Variants in SMIM24 observed in about 807,000 individuals in gnomAD.
The protein encoded by SMIM24 is MAP17-related dimer.
In SMIM24, 6 loss-of-function variants were observed where a neutral mutation model predicts 10.8. The observed-to-expected ratio is 0.55, with a 90% CI of 0.30 to 1.09. The LOEUF is 1.09. SMIM24 is among the 50% of genes least tolerant of loss of function. The pLI is 0.06. For synonymous variants in SMIM24, 71 were observed against 62.4 expected, an observed-to-expected ratio of 1.14 and a Z score of -0.65; for missense variants, 151 against 153.4, an observed-to-expected ratio of 0.98 and a Z score of 0.08.
At chr19:3,476,791 T>C (rs2082793585) in intron 3 of SMIM24, among the ~76,000 whole-genome samples, 1 of 142,690 alleles carries the variant, frequency 7.0e-6, no homozygotes, top group South Asian at 2.3e-4. Context: ...GATAAATGGG[T>C]AGGTGGATGG....
At chr19:3,477,582 A>AG (rs2082798870) in intron 3 of SMIM24, among the ~76,000 whole-genome samples, 3 of 113,592 alleles carry the variant, frequency 2.6e-5, no homozygotes, top group African/African-American at 1.1e-4. Flanking sequence ...TGAATGGGTG[A>AG]TGGATGGGTG....
chr19:3,478,564 C>T, intron 2 of SMIM24, 86 bp from the exon 3 acceptor site: 1 of 1,279,518 alleles, frequency 7.8e-7, no homozygotes, highest in Non-Finnish European at 1.1e-6. Flanking sequence ...CAGCCTCAGC[C>T]TCTGTCCCAA....
Position 3,480,386 on chromosome 19 carries a change from C to G in SMIM24, c.67+11G>C, listed in dbSNP as rs1008120078. The G allele has an allele frequency of 7.8e-6, 12 of 1,546,090 alleles. No homozygotes were observed. In the East Asian group the frequency reaches 2.5e-4, roughly 32 times the overall value. On this transcript the variant is annotated intron_variant, in intron 1 of 3. Transcript: ENST00000215531. Reference sequence around the variant, plus strand: ...ATCCCGCGACGCCCCCTCCCGCCCCCCTGCACCTACCCTGCTGGGCCTCCA... The same window carrying G: ...ATCCCGCGACGCCCCCTCCCGCCCCGCTGCACCTACCCTGCTGGGCCTCCA...
At chr19:3,479,554 G>A in intron 1 of SMIM24, among the ~76,000 whole-genome samples, 1 of 150,256 alleles carries the variant, frequency 6.7e-6, no homozygotes, top group South Asian at 2.1e-4. Flanking sequence ...GGCTTATAAA[G>A]GCGGCAGAGG....
intron 2 of SMIM24, 72 bp from the exon 3 acceptor site, chr19:3,478,550 G>A: frequency 7.3e-7 from 1 of 1,376,954 alleles, no homozygotes; most frequent in Non-Finnish European, 9.9e-7. Context: ...AGGAAGCGGT[G>A]TGACAGCCTC....
At chr19:3,476,325 G>C (rs780876488) in intron 3 of SMIM24, among the ~76,000 whole-genome samples, 1 of 151,978 alleles carries the variant, frequency 6.6e-6, no homozygotes, top group African/African-American at 2.4e-5. Flanking sequence ...AGACTGCATA[G>C]TTCGATGGAC....
At chr19:3,477,880 G>A (rs1285753150) in intron 3 of SMIM24, among the ~76,000 whole-genome samples, 1 of 151,902 alleles carries the variant, frequency 6.6e-6, no homozygotes, top group South Asian at 2.1e-4. Context: ...GGTGATGGGT[G>A]GATGGAAGAT....
At chr19:3,478,724 AC>A in intron 2 of SMIM24, 93 bp downstream of exon 2, 1 of 1,012,842 alleles carries the variant, frequency 9.9e-7, no homozygotes, top group Non-Finnish European at 1.4e-6. Context: ...AGACCTTCGG[AC>A]TTTGAGGCTG....
Position 3,478,805 on chromosome 19 carries a change from G to A in SMIM24, c.179+13C>T, listed in dbSNP as rs1463526272. On this transcript the variant is annotated intron_variant, in intron 2 of 3. Coordinates refer to ENST00000215531, the MANE Select transcript of SMIM24 (RefSeq NM_001136503.2). The stretch of plus-strand genomic sequence containing the variant: ...AGGGCTGTGGGGGCAGCGGGGTGGG[G>A]GCGGGCACCCACCTGGCCTTGGAAC... The A allele has an allele frequency of 2.0e-6, 3 of 1,533,074 alleles. No individual in the cohort carries two copies. The highest frequency in any genetic ancestry group is 1.4e-5 in the African/African-American group (1 of 72,312). The allele number at this position is 1,533,074 out of a possible 1,614,324, so 95.0% of individuals were successfully genotyped here. A position where few individuals can be genotyped will look rare whatever the true frequency, so the allele number is the denominator to read the frequency against.
rs2082804561 is a variant in SMIM24, at chr19:3,478,873, G to A, written c.124C>T (p.Leu42=). ...AGCAAGACCAAATAGACGATGAACA[G>A]GAAGCCGACTACCGCAGCCAGGCCC... The part of the protein sequence containing the change: ...LVGLAAVVGF[L]FIVYLVLLAN... Residue 42 remains leucine (L), a synonymous_variant, in exon 2 of 4, where the codon CTG becomes TTG. Transcript: ENST00000215531. 4.5e-6 allele frequency: 7 copies of A among 1,549,832 alleles called. No individual in the cohort carries two copies. The highest frequency in any genetic ancestry group is 6.1e-6 in the Non-Finnish European group (7 of 1,146,782).
At chr19:3,476,451 G>C (rs746017483) in intron 3 of SMIM24, among the ~76,000 whole-genome samples, 1 of 152,088 alleles carries the variant, frequency 6.6e-6, no homozygotes, top group Non-Finnish European at 1.5e-5. Context: ...CTGATAGATG[G>C]ATGTACAAGT....
chr19:3,475,288 G>A (rs913569748), intron 3 of SMIM24, among the ~76,000 whole-genome samples: 3 of 152,144 alleles, frequency 2.0e-5, no homozygotes, highest in Admixed American at 6.5e-5. Flanking sequence ...CTGCTTTTGA[G>A]GCTGGGTGCA....
In SMIM24 at chr19:3,474,676, G is replaced by A. The variant is rs749913122; in HGVS notation, c.*167C>T. 4 of 789,896 alleles carry A rather than the reference G, an allele frequency of 5.1e-6. No homozygotes were observed. Among genetic ancestry groups the A allele is most frequent in the Non-Finnish European group, 7.6e-6 (4 of 523,434 alleles). The allele number at this position is 789,896 out of a possible 1,614,324, so 48.9% of individuals were successfully genotyped here. ...CATGAAAACCATGTTTGCCCAGAGA[G>A]CCCCCAATGAGGGAGGTGGGGTGGG... On this transcript the variant is annotated 3_prime_UTR_variant, in exon 4 of 4. Transcript: ENST00000215531.
At chr19:3,475,264 C>T (rs1263651767) in intron 3 of SMIM24, among the ~76,000 whole-genome samples, 5 of 150,916 alleles carry the variant, frequency 3.3e-5, no homozygotes, top group Non-Finnish European at 5.9e-5. Flanking sequence ...TCAGTTTACT[C>T]CTGGCAAAGG....
Position 3,478,430 on chromosome 19 carries a change from G to A in SMIM24, c.228C>T (p.Tyr76=), listed in dbSNP as rs1207747099. ...ETTFRMESNL[Y]QDQSEDKREK... ...CGCACGCATAGTACCTCTGGTCCTGGTATAGGTTGGACTCCATTCTGAACG... is the reference window on the plus strand; with the variant it reads ...CGCACGCATAGTACCTCTGGTCCTGATATAGGTTGGACTCCATTCTGAACG... Residue 76 remains tyrosine (Y), a synonymous_variant, in exon 3 of 4, where the codon TAC becomes TAT. Coordinates refer to ENST00000215531, the MANE Select transcript of SMIM24 (RefSeq NM_001136503.2). 3 of 1,549,270 alleles carry A rather than the reference G, an allele frequency of 1.9e-6. No homozygotes were observed. Among genetic ancestry groups the A allele is most frequent in the Non-Finnish European group, 1.7e-6 (2 of 1,146,348 alleles).
At chr19:3,477,483 T>C (rs2122020759) in intron 3 of SMIM24, among the ~76,000 whole-genome samples, 1 of 136,384 alleles carries the variant, frequency 7.3e-6, no homozygotes, top group East Asian at 2.3e-4. Flanking sequence ...GAATGGATGA[T>C]GGATGGATGG....
intron 3 of SMIM24, among the ~76,000 whole-genome samples, chr19:3,475,927 G>A (rs1206571341): frequency 6.6e-6 from 1 of 151,570 alleles, no homozygotes; most frequent in African/African-American, 2.4e-5. Context: ...TGGATGAGTA[G>A]ATAAGTAGTT....
intron 3 of SMIM24, 108 bp downstream of exon 3, chr19:3,478,311 G>A (rs1460787236): frequency 5.8e-6 from 6 of 1,037,018 alleles, no homozygotes; most frequent in Non-Finnish European, 5.5e-6. Context: ...AGATCCCAGG[G>A]CAGGAATGTG....
At position 3,480,514 on chromosome 19, in the gene SMIM24, C is replaced by T. The variant is rs2082814716; in HGVS notation, c.-51G>A. The T allele has an allele frequency of 6.5e-7, 1 of 1,536,262 alleles. No homozygotes were observed. Among genetic ancestry groups the T allele is most frequent in the African/African-American group, 1.4e-5 (1 of 72,796 alleles). On this transcript the variant is annotated 5_prime_UTR_variant, in exon 1 of 4. Transcript: ENST00000215531. ...CCAGCGGCGGTCCCGGGTCGGCGTC[C>T]ACAGGTTTGGTGTGGGCGAGGCCCT...
Sources: gnomAD v4.1 joint callset for allele counts (sites outside exome capture counted in the v4.1 genomes callset) on GRCh38, gnomAD v4.1.1 for gene constraint, MANE v1.5 for transcripts, NCBI Gene and HGNC (gene_info 2026-07-23, HGNC 2026-07-21) for gene names.